Variants in BLNK observed in about 807,000 individuals in gnomAD.
BLNK encodes B-cell linker protein.
Under a neutral mutation model 73.5 loss-of-function variants are expected in BLNK, and 29 were observed. The ratio of observed to expected loss-of-function variants is 0.39; its 90% confidence interval spans 0.29 to 0.54. The LOEUF (loss-of-function observed/expected upper bound fraction) is 0.54. Ranked by LOEUF, BLNK falls within the 20% of genes least tolerant of loss-of-function variation. The pLI is 0.61. For missense variants in BLNK, 460 were observed against 562.8 expected (o/e 0.82, Z 1.85); for synonymous variants, 176 against 200.8 (o/e 0.88, Z 1.04).
intron 4 of BLNK, among the ~76,000 whole-genome samples, chr10:96,228,417 C>T (rs1395316484): frequency 2.0e-5 from 3 of 152,136 alleles, no homozygotes; most frequent in African/African-American, 7.2e-5. Context: ...CCACCACGCC[C>T]AGCTAATTTT....
intron 8 of BLNK, among the ~76,000 whole-genome samples, chr10:96,213,273 A>C (rs1049021057): frequency 1.3e-5 from 2 of 152,240 alleles, no homozygotes; most frequent in Admixed American, 1.3e-4. Flanking sequence ...CACTAGAGGG[A>C]TCTGTCCCAG....
chr10:96,248,622 A>G (rs1479789859), intron 1 of BLNK, among the ~76,000 whole-genome samples: 1 of 152,238 alleles, frequency 6.6e-6, no homozygotes, highest in African/African-American at 2.4e-5. Flanking sequence ...ATATCAGTAT[A>G]TACATATAAG....
At chr10:96,240,499 A>G (rs1554905997) in intron 3 of BLNK, among the ~76,000 whole-genome samples, 2 of 152,152 alleles carry the variant, frequency 1.3e-5, no homozygotes, top group African/African-American at 4.8e-5. Flanking sequence ...GCCTCAAGCA[A>G]TCCTCCCATC....
In BLNK at chr10:96,258,649, A is replaced by G. The variant is rs188924825; in HGVS notation, c.48-11600T>C. ...GAGGTAACCCCCACCTTCTTATGCC[A>G]TAGTTCAGAGCTGTGATTATAGTAC... On this transcript the variant is annotated intron_variant, in intron 1 of 16. Coordinates refer to ENST00000224337, the MANE Select transcript of BLNK (RefSeq NM_013314.4). Among the ~76,000 whole-genome samples, 620 of 152,240 alleles carry G rather than the reference A, an allele frequency of 4.1e-3. 4 individuals are homozygous for G. The highest frequency in any genetic ancestry group is 0.017 in the Middle Eastern group (5 of 294).
At chr10:96,217,371 T>G (rs587691500) in intron 6 of BLNK, among the ~76,000 whole-genome samples, 54 of 152,346 alleles carry the variant, frequency 3.5e-4, no homozygotes, top group African/African-American at 1.3e-3. Context: ...AGTTTAACAG[T>G]CGGAGAAACT....
intron 16 of BLNK, among the ~76,000 whole-genome samples, chr10:96,193,246 T>G (rs1428275840): frequency 6.6e-6 from 1 of 152,238 alleles, no homozygotes; most frequent in Non-Finnish European, 1.5e-5. Flanking sequence ...CCATTAAACA[T>G]TCATTCTGCT....
chr10:96,230,396 T>G (rs2134042504), intron 4 of BLNK, among the ~76,000 whole-genome samples: 1 of 152,266 alleles, frequency 6.6e-6, no homozygotes, highest in East Asian at 1.9e-4. Context: ...TCTTTAGTTG[T>G]TGGTTCGTTT....
At chr10:96,211,864 C>G (rs1170593179) in intron 8 of BLNK, among the ~76,000 whole-genome samples, 2 of 152,164 alleles carry the variant, frequency 1.3e-5, no homozygotes, top group East Asian at 1.9e-4. Context: ...GTTAAAGTAC[C>G]CTTGACTGCA....
At chr10:96,265,424 T>C (rs1554914007) in intron 1 of BLNK, among the ~76,000 whole-genome samples, 1 of 152,216 alleles carries the variant, frequency 6.6e-6, no homozygotes, top group East Asian at 1.9e-4. Context: ...AAACAGACTA[T>C]TTATTACAAG....
intron 10 of BLNK, among the ~76,000 whole-genome samples, chr10:96,207,584 C>T (rs587611034): frequency 1.3e-5 from 2 of 152,216 alleles, no homozygotes; most frequent in African/African-American, 2.4e-5. Context: ...TGGACACAGA[C>T]GCTTCCTGTG....
At chr10:96,203,813 G>T (rs1011793712) in intron 13 of BLNK, 17 of 353,674 alleles carry the variant, frequency 4.8e-5, no homozygotes, top group Non-Finnish European at 7.7e-5. Flanking sequence ...AAGGATGCAT[G>T]ATCAGTAAAA....
In BLNK at chr10:96,231,726, C is replaced by CA. The variant is rs148206344; in HGVS notation, c.164-893dup. Among the ~76,000 whole-genome samples the CA allele has an allele frequency of 7.5e-4, 85 of 113,224 alleles. 1 individual carries two copies. The highest frequency in any genetic ancestry group is 2.1e-3 in the African/African-American group (64 of 30,596). 74.3% of individuals were successfully genotyped at this position (113,224 alleles called of 152,430 possible). ...GGGATGACAGAGTAAGACCCTGTCT[C>CA]AAAAAAAAAAAAAAAAAAAAAAATC... On this transcript the variant is annotated intron_variant, in intron 3 of 16. Transcript: ENST00000224337.
chr10:96,201,485 T>A (rs1248565169), intron 13 of BLNK, among the ~76,000 whole-genome samples: 2 of 152,260 alleles, frequency 1.3e-5, no homozygotes, highest in African/African-American at 4.8e-5. Flanking sequence ...TTATTTATGT[T>A]AACATGTAAT....
intron 6 of BLNK, among the ~76,000 whole-genome samples, chr10:96,222,176 T>G (rs1388687152): frequency 1.3e-5 from 2 of 152,224 alleles, no homozygotes; most frequent in Non-Finnish European, 2.9e-5. Flanking sequence ...AAAAACAGAC[T>G]CATAGAAGTT....
rs587701284 is a variant in BLNK at position 96,216,324 on chromosome 10, G to A, written c.607+329C>T. ...GGTGCAATGTTTACAAGGCCAACAT[G>A]GTGGCTTGTGACATTGTATTAGGTT... On this transcript the variant is annotated intron_variant, in intron 7 of 16. Coordinates refer to ENST00000224337, the MANE Select transcript of BLNK (RefSeq NM_013314.4). 46 of 338,140 alleles carry A rather than the reference G, an allele frequency of 1.4e-4. No individual in the cohort carries two copies. The South Asian group carries it at 1.6e-3, about 12-fold the overall frequency. The allele number at this position is 338,140 out of a possible 1,614,324, so 20.9% of individuals were successfully genotyped here. A position where few individuals can be genotyped will look rare whatever the true frequency, so the allele number is the denominator to read the frequency against.
intron 11 of BLNK, among the ~76,000 whole-genome samples, chr10:96,205,593 A>C (rs1174696044): frequency 6.6e-6 from 1 of 152,250 alleles, no homozygotes; most frequent in Non-Finnish European, 1.5e-5. Context: ...TGGTAATTTC[A>C]GAAGGAGAAA....
chr10:96,231,873 C>T (rs587767681), intron 3 of BLNK, among the ~76,000 whole-genome samples: 1 of 152,344 alleles, frequency 6.6e-6, no homozygotes, highest in African/African-American at 2.4e-5. Flanking sequence ...CGGGCATGCG[C>T]TGAGCCCCCA....
At chr10:96,231,370 T>C (rs375927309) in intron 3 of BLNK, among the ~76,000 whole-genome samples, 40 of 152,350 alleles carry the variant, frequency 2.6e-4, no homozygotes, top group African/African-American at 8.9e-4. Flanking sequence ...TGTCTTAGTA[T>C]GTGCCAGGCA....
rs1365623916 is a variant in BLNK at position 96,189,983 on chromosome 10, T to C, written c.*1990A>G. 1.1e-5 allele frequency: 9 copies of C among 838,102 alleles called. No individual in the cohort carries two copies. Among genetic ancestry groups the C allele is most frequent in the Non-Finnish European group, 1.8e-5 (9 of 487,002 alleles). 51.9% of individuals were successfully genotyped at this position (838,102 alleles called of 1,614,324 possible). ...GGAAACTGTTGGCTGTACAGACATT[T>C]TCAAAGGTGCCAGTGTTATTTAATT... On this transcript the variant is annotated 3_prime_UTR_variant, in exon 17 of 17. Transcript: ENST00000224337.
Sources: allele counts gnomAD v4.1 joint callset (sites outside exome capture counted in the v4.1 genomes callset), GRCh38; gene constraint gnomAD v4.1.1; transcripts MANE v1.5; gene names NCBI Gene and HGNC (gene_info 2026-07-23, HGNC 2026-07-21).